Variants in CCDC191 observed in about 807,000 individuals in gnomAD.
CCDC191 encodes the protein coiled-coil domain-containing protein 191.
A neutral mutation model predicts 114.0 loss-of-function variants in CCDC191; 99 were observed. The ratio of observed to expected loss-of-function variants is 0.87; its 90% CI spans 0.74 to 1.03. The LOEUF is 1.03. Among genes scored for constraint, CCDC191 ranks in the 50% least tolerant of loss-of-function variants. The probability of loss-of-function intolerance (pLI) is 0.00; values close to 1 mark genes in which losing one functional copy is unlikely to be tolerated. For missense variants in CCDC191, 973 were observed against 1,087.0 expected (o/e 0.90, Z 1.47); for synonymous variants, 351 against 376.0 (o/e 0.93, Z 0.77).
chr3:114,018,966 T>C, intron 7 of CCDC191, 98 bp from the exon 8 acceptor site: 1 of 1,064,504 alleles, frequency 9.4e-7, no homozygotes, highest in Admixed American at 2.3e-5. Flanking sequence ...CCTCACACTT[T>C]TAAAAACAAA....
chr3:114,032,476 C>A (rs1025314724), intron 6 of CCDC191, among the ~76,000 whole-genome samples: 5 of 152,090 alleles, frequency 3.3e-5, no homozygotes, highest in Non-Finnish European at 7.4e-5. Context: ...CATTTAACTG[C>A]ACAGGTATAT....
At chr3:113,990,214 GAA>G (rs2075510226) in intron 13 of CCDC191, among the ~76,000 whole-genome samples, 1 of 152,094 alleles carries the variant, frequency 6.6e-6, no homozygotes, top group South Asian at 2.1e-4. Context: ...AGGTAAACCA[GAA>G]GAGAAGATAT....
chr3:114,019,547 A>T (rs1271739882), intron 7 of CCDC191, among the ~76,000 whole-genome samples: 2 of 152,178 alleles, frequency 1.3e-5, no homozygotes, highest in Non-Finnish European at 2.9e-5. Context: ...AAAATCACTG[A>T]GACCTAGTCC....
intron 2 of CCDC191, among the ~76,000 whole-genome samples, chr3:114,052,244 AATGATAAAAG>A (rs1422621039): frequency 6.6e-6 from 1 of 152,166 alleles, no homozygotes; most frequent in Non-Finnish European, 1.5e-5. Context: ...ATGTTAGAGG[AATGATAAAAG>A]ATGATAAAAA....
chr3:114,019,658 C>T (rs1465794784), intron 7 of CCDC191, among the ~76,000 whole-genome samples: 1 of 152,160 alleles, frequency 6.6e-6, no homozygotes, highest in Non-Finnish European at 1.5e-5. Context: ...TTCATAGTTT[C>T]CTATGTTCAT....
At chr3:114,024,102 CTCA>C (rs1355696761) in intron 7 of CCDC191, among the ~76,000 whole-genome samples, 3 of 152,178 alleles carry the variant, frequency 2.0e-5, no homozygotes, top group East Asian at 1.9e-4. Flanking sequence ...TGAAAAAATG[CTCA>C]TCATCACTGG....
intron 16 of CCDC191, among the ~76,000 whole-genome samples, chr3:113,970,556 G>A (rs1249185653): frequency 2.6e-5 from 4 of 151,988 alleles, no homozygotes; most frequent in Non-Finnish European, 5.9e-5. Context: ...TTTGGTCCTG[G>A]CCAGGATGTT....
chr3:113,972,150 C>T (rs1040160754), intron 16 of CCDC191, among the ~76,000 whole-genome samples: 2 of 151,690 alleles, frequency 1.3e-5, no homozygotes, highest in Non-Finnish European at 2.9e-5. Context: ...TCTATATTTC[C>T]TTGAGGAGCA....
chr3:113,992,573 G>A (rs2075603708), intron 13 of CCDC191, among the ~76,000 whole-genome samples: 1 of 152,124 alleles, frequency 6.6e-6, no homozygotes, highest in Non-Finnish European at 1.5e-5. Flanking sequence ...AACGGGGACT[G>A]TTGTGGGATG....
rs752559512 is a variant in CCDC191, at chr3:113,978,169, C to G, written c.2606+17G>C. 5.0e-6 allele frequency: 8 copies of G among 1,613,488 alleles called. No homozygotes were observed. The highest frequency in any genetic ancestry group is 6.8e-6 in the Non-Finnish European group (8 of 1,179,590). On this transcript the variant is annotated intron_variant, in intron 16 of 16. Transcript: ENST00000295878. Reference sequence around the variant, plus strand: ...GTGAAGTCAGAGAGTGAATTTTCCTCACTATCAAAACCTCACCTGTCACTG... The same window carrying G: ...GTGAAGTCAGAGAGTGAATTTTCCTGACTATCAAAACCTCACCTGTCACTG...
chr3:113,985,120 G>C (rs1250198582), intron 13 of CCDC191, among the ~76,000 whole-genome samples: 1 of 152,154 alleles, frequency 6.6e-6, no homozygotes, highest in African/African-American at 2.4e-5. Flanking sequence ...ACAGTCATGG[G>C]GGTGCTTCTC....
Position 114,004,349 on chromosome 3 carries a change from T to C in CCDC191, c.1978+288A>G, listed in dbSNP as rs980959203. ...ATTTGTGTAATTATTCCTTTTTTTT[T>C]CACAATCCAAATCTCAAATTACAGA... On this transcript the variant is annotated intron_variant, in intron 11 of 16. Coordinates refer to ENST00000295878, the MANE Select transcript of CCDC191 (RefSeq NM_020817.2). 5.9e-6 allele frequency: 6 copies of C among 1,015,200 alleles called. No homozygotes were observed. In the East Asian group the frequency reaches 6.0e-4, roughly 101 times the overall value. 62.9% of individuals were successfully genotyped at this position (1,015,200 alleles called of 1,614,324 possible).
chr3:114,021,616 G>A (rs2076245558), intron 7 of CCDC191, among the ~76,000 whole-genome samples: 1 of 152,016 alleles, frequency 6.6e-6, no homozygotes, highest in Admixed American at 6.6e-5. Flanking sequence ...TGCTAGTTCT[G>A]TTTTTATTTA....
chr3:114,009,850 A>G (rs2076038402), intron 9 of CCDC191, among the ~76,000 whole-genome samples: 1 of 152,216 alleles, frequency 6.6e-6, no homozygotes, highest in South Asian at 2.1e-4. Context: ...AATTCCAGTA[A>G]TACAGGAGCT....
At chr3:114,032,728 T>TTC (rs1447424335) in intron 6 of CCDC191, among the ~76,000 whole-genome samples, 1 of 152,198 alleles carries the variant, frequency 6.6e-6, no homozygotes, top group Non-Finnish European at 1.5e-5. Flanking sequence ...AATGTTAACC[T>TTC]TCATCACTTG....
At chr3:113,992,824 CCT>C (rs898432857) in intron 13 of CCDC191, among the ~76,000 whole-genome samples, 4 of 152,112 alleles carry the variant, frequency 2.6e-5, no homozygotes, top group Non-Finnish European at 5.9e-5. Context: ...CCAGCATTCC[CCT>C]GATACTACAG....
intron 13 of CCDC191, among the ~76,000 whole-genome samples, chr3:113,986,772 G>A (rs2075374371): frequency 1.3e-5 from 2 of 152,084 alleles, no homozygotes; most frequent in Non-Finnish European, 2.9e-5. Context: ...AAGCGATACC[G>A]TGGTGTGCTT....
Position 114,010,940 on chromosome 3 carries a change from G to A in CCDC191, c.1245C>T (p.Ala415=), listed in dbSNP as rs759264737. 1.4e-5 allele frequency: 22 copies of A among 1,564,968 alleles called. No individual in the cohort carries two copies. Among genetic ancestry groups the A allele is most frequent in the Admixed American group, 6.8e-5 (4 of 59,104 alleles). ...CFTEWQHWHG[A]ELLKRELALT... ...GAGCCAGCTCTCTCTTCAGGAGCTC[G>A]GCGCCATGCCAATGCTGCCATTCTG... is the stretch of plus-strand genomic sequence containing the variant. Residue 415 remains alanine, a synonymous_variant, in exon 9 of 17, where the codon GCC becomes GCT. Transcript: ENST00000295878.
At chr3:114,042,992 C>A in intron 3 of CCDC191, 146 bp from the exon 4 acceptor site, 1 of 679,502 alleles carries the variant, frequency 1.5e-6, no homozygotes, top group Non-Finnish European at 2.3e-6. Context: ...GTGAACAAAA[C>A]TGAAAAAATA....
Sources: allele counts gnomAD v4.1 joint callset (sites outside exome capture counted in the v4.1 genomes callset), GRCh38; gene constraint gnomAD v4.1.1; transcripts MANE v1.5; gene names NCBI Gene and HGNC (gene_info 2026-07-23, HGNC 2026-07-21).